COBLL1: variants seen among roughly 807,000 people sequenced by gnomAD.
COBLL1 encodes the protein cordon-bleu protein-like 1.
COBLL1 carries 50 observed loss-of-function variants against 94.8 expected under a neutral mutation model. The observed-to-expected ratio is 0.53, with a 90% CI of 0.42 to 0.67. COBLL1 has a LOEUF of 0.67. Among genes scored for constraint, COBLL1 ranks in the 30% least tolerant of loss-of-function variants. COBLL1 has a pLI of 0.00. For synonymous variants in COBLL1, 448 were observed against 473.8 expected, an observed-to-expected ratio of 0.95 and a Z score of 0.71; for missense variants, 1,362 against 1,348.7, an observed-to-expected ratio of 1.01 and a Z score of -0.15.
chr2:164,760,602 T>C (rs1478480481), intron 2 of COBLL1, among the ~76,000 whole-genome samples: 3 of 152,202 alleles, frequency 2.0e-5, no homozygotes, highest in African/African-American at 7.2e-5. Context: ...TTAATAGCAT[T>C]AGTATCGATG....
At chr2:164,739,787 A>G (rs1411629461) in intron 3 of COBLL1, among the ~76,000 whole-genome samples, 1 of 152,194 alleles carries the variant, frequency 6.6e-6, no homozygotes, top group Non-Finnish European at 1.5e-5. Context: ...TTTTGTCATT[A>G]TGAGTCTTCC....
At chr2:164,721,636 G>A (rs542434343) in intron 7 of COBLL1, among the ~76,000 whole-genome samples, 1 of 152,270 alleles carries the variant, frequency 6.6e-6, no homozygotes, top group African/African-American at 2.4e-5. Flanking sequence ...GAGAATCTGA[G>A]TCAGGTCAAG....
rs2105404390 is a variant in COBLL1, at chr2:164,841,165, G to A, written c.32C>T (p.Ala11Val). Reference sequence around the variant, plus strand: ...GGCGCTCTGGGCTTACCTGGCTGGGGCGTCCTGCGGGCGCGGGGTTCGGCC... The same window carrying A: ...GGCGCTCTGGGCTTACCTGGCTGGGACGTCCTGCGGGCGCGGGGTTCGGCC... Reference protein sequence around the residue: MDGRTPRPQDAPARRKPKAKA... With the variant: MDGRTPRPQDVPARRKPKAKA... Residue 11 changes from alanine (A) to valine (V), a missense_variant, in exon 2 of 14, where the codon GCC becomes GTC. Physicochemically the swap from Ala to Val is moderately conservative, Grantham distance 64. Coordinates refer to ENST00000652658, the MANE Select transcript of COBLL1 (RefSeq NM_001365672.2). This position sits in a 1 kb window ranked among gnomAD's most constrained non-coding sequence, Gnocchi z 5.5. The A allele has an allele frequency of 8.1e-7, 1 of 1,231,500 alleles. No individual in the cohort carries two copies. The highest frequency in any genetic ancestry group is 3.2e-5 in the East Asian group (1 of 31,614). The allele number at this position is 1,231,500 out of a possible 1,614,324, so 76.3% of individuals were successfully genotyped here.
chr2:164,802,423 T>C (rs923677329), intron 2 of COBLL1, among the ~76,000 whole-genome samples: 3 of 152,202 alleles, frequency 2.0e-5, no homozygotes, highest in African/African-American at 7.2e-5. Context: ...TATTTGCCAG[T>C]AATATATCTG....
At chr2:164,665,807 T>C (rs925848785) in intron 2 of COBLL1, 1 of 152,172 alleles carries the variant, frequency 6.6e-6, no homozygotes. Context: ...CCAGCAACCA[T>C]AACTATTTAA....
intron 2 of COBLL1, among the ~76,000 whole-genome samples, chr2:164,771,398 T>G (rs1403430556): frequency 1.3e-5 from 2 of 151,936 alleles, no homozygotes. Flanking sequence ...GAGTTTCTCA[T>G]TAGAAAAAAA....
chr2:164,836,935 C>G (rs1187593380), intron 2 of COBLL1, among the ~76,000 whole-genome samples: 1 of 152,194 alleles, frequency 6.6e-6, no homozygotes. Flanking sequence ...GTGAAAGTAT[C>G]CCAGATGACT....
At chr2:164,722,955 T>C (rs1444661107) in intron 5 of COBLL1, 2 of 152,452 alleles carry the variant, frequency 1.3e-5, no homozygotes, top group African/African-American at 4.8e-5. Flanking sequence ...TATCTTATTC[T>C]ACAAAATGTG....
chr2:164,798,216 C>G (rs1254772691), intron 2 of COBLL1, among the ~76,000 whole-genome samples: 1 of 152,158 alleles, frequency 6.6e-6, no homozygotes, highest in Non-Finnish European at 1.5e-5. Flanking sequence ...GGAGTTTGTT[C>G]CTTCTTTAAA....
At chr2:164,670,308 T>G (rs1382364763) in intron 1 of COBLL1, among the ~76,000 whole-genome samples, 4 of 152,196 alleles carry the variant, frequency 2.6e-5, no homozygotes, top group Admixed American at 6.5e-5. Context: ...ATAAATATTA[T>G]CAGTGGTTGT....
chr2:164,687,227 T>TTTG, intron 13 of COBLL1: 1 of 390,936 alleles, frequency 2.6e-6, no homozygotes. Flanking sequence ...TTTTTTTTTT[T>TTTG]GGAGAGGAAG....
chr2:164,670,713 T>G (rs1350160911), intron 1 of COBLL1, among the ~76,000 whole-genome samples: 5 of 152,184 alleles, frequency 3.3e-5, no homozygotes, highest in Non-Finnish European at 7.3e-5. Flanking sequence ...CTGATGTCCC[T>G]GTGGGAAATT....
At position 164,682,660 on chromosome 2, in the gene COBLL1, T is replaced by C. The variant is rs754490102; in HGVS notation, c.*3286A>G. ...TAGGCAAATAATACCTGTTCACTTA[T>C]AGTATTGACATCAGGTAACTTTAAA... is the stretch of plus-strand genomic sequence containing the variant. On this transcript the variant is annotated 3_prime_UTR_variant, in exon 14 of 14. Transcript: ENST00000652658. 2.6e-5 allele frequency: 4 copies of C among 152,174 alleles called. No homozygotes were observed. Among genetic ancestry groups the C allele is most frequent in the East Asian group, 1.9e-4 (1 of 5,202 alleles). The allele number at this position is 152,174 out of a possible 1,614,324, so 9.4% of individuals were successfully genotyped here.
intron 3 of COBLL1, among the ~76,000 whole-genome samples, 199 bp from the exon 4 acceptor site, chr2:164,730,314 A>G (rs1039431921): frequency 6.8e-5 from 10 of 147,488 alleles, no homozygotes; most frequent in Non-Finnish European, 1.5e-4. Flanking sequence ...ACATGGCAAG[A>G]CCCTGTATCT....
rs114365982 is a variant in COBLL1 at position 164,786,199 on chromosome 2, T to G, written c.42-42324A>C. The stretch of plus-strand genomic sequence containing the variant: ...GGCTTTTCCTACACTCTGTTTGGAG[T>G]CTTTTCTGACTGCTCATATTCCACA... On this transcript the variant is annotated intron_variant, in intron 2 of 13. Coordinates refer to ENST00000652658, the MANE Select transcript of COBLL1 (RefSeq NM_001365672.2). Among the ~76,000 whole-genome samples the G allele has an allele frequency of 1.4e-3, 206 of 152,212 alleles. 1 individual carries two copies. The highest frequency in any genetic ancestry group is 2.5e-3 in the Non-Finnish European group (172 of 68,020).
chr2:164,689,766 T>A (rs868534680), intron 13 of COBLL1, among the ~76,000 whole-genome samples: 1 of 152,162 alleles, frequency 6.6e-6, no homozygotes, highest in Non-Finnish European at 1.5e-5. Context: ...ATAACATTTA[T>A]CTGGATTACT....
At chr2:164,699,819 A>C (rs1166015250) in intron 10 of COBLL1, among the ~76,000 whole-genome samples, 1 of 152,098 alleles carries the variant, frequency 6.6e-6, no homozygotes, top group Non-Finnish European at 1.5e-5. Context: ...AAGAAAAAGG[A>C]AATTAAATGA....
chr2:164,777,351 C>T (rs1349899459), intron 2 of COBLL1, among the ~76,000 whole-genome samples: 2 of 151,958 alleles, frequency 1.3e-5, no homozygotes, highest in African/African-American at 2.4e-5. Context: ...CACACACACA[C>T]ACACACACAT....
At chr2:164,760,807 AC>A (rs1289631793) in intron 2 of COBLL1, among the ~76,000 whole-genome samples, 3 of 152,178 alleles carry the variant, frequency 2.0e-5, no homozygotes, top group African/African-American at 7.2e-5. Context: ...TATTAGAATC[AC>A]CTATGGAACT....
Sources: gnomAD v4.1 joint callset for allele counts (sites outside exome capture counted in the v4.1 genomes callset) on GRCh38, gnomAD v4.1.1 for gene constraint, Gnocchi (gnomAD v3.1) non-coding constraint, MANE v1.5 for transcripts, NCBI Gene and HGNC (gene_info 2026-07-23, HGNC 2026-07-21) for gene names.